WDR81: variants seen among roughly 807,000 people sequenced by gnomAD.
WDR81 encodes the protein WD repeat-containing protein 81.
Under a neutral mutation model 140.8 loss-of-function variants are expected in WDR81, and 92 were observed. The observed-to-expected ratio is 0.65, with a 90% CI of 0.55 to 0.78. The LOEUF (loss-of-function observed/expected upper bound fraction) is 0.78, where lower values mean the gene tolerates loss of function less well. Among genes scored for constraint, WDR81 ranks in the 30% least tolerant of loss-of-function variants. WDR81 has a pLI of 0.00. For synonymous variants in WDR81, 1,183 were observed against 1,156.4 expected, an observed-to-expected ratio of 1.02 and a Z score of -0.47; for missense variants, 2,502 against 2,636.4, an observed-to-expected ratio of 0.95 and a Z score of 1.12.
chr17:1,719,018 C>G lies in WDR81; in HGVS notation c.-124+2385C>G, dbSNP rs538029922. Among the ~76,000 whole-genome samples, 24 of 152,204 alleles carry G rather than the reference C, an allele frequency of 1.6e-4. No individual in the cohort carries two copies. In the South Asian group the frequency reaches 4.8e-3, roughly 30 times the overall value. ...TCCTAGATGTCAGTGGCAACACCCA[C>G]CCACCCCCAGCTCCCAGTTTTGACA... On this transcript the variant is annotated intron_variant, in intron 1 of 10. Transcript: ENST00000309182.
intron 9 of WDR81, among the ~76,000 whole-genome samples, chr17:1,736,475 G>C (rs1307008304): frequency 1.3e-5 from 2 of 152,204 alleles, no homozygotes; most frequent in Non-Finnish European, 2.9e-5. Flanking sequence ...GGGCAGGGCT[G>C]ACCCTGTTGC....
chr17:1,717,848 ACT>A (rs2151153477), intron 1 of WDR81, among the ~76,000 whole-genome samples: 1 of 152,074 alleles, frequency 6.6e-6, no homozygotes, highest in South Asian at 2.1e-4. Context: ...GTAAATTCAG[ACT>A]CTGTGGTCTA....
Position 1,733,781 on chromosome 17 carries a change from C to G in WDR81, c.4744C>G (p.Leu1582Val). The G allele has an allele frequency of 6.2e-7, 1 of 1,612,414 alleles. No homozygotes were observed. Among genetic ancestry groups the G allele is most frequent in the Non-Finnish European group, 8.5e-7 (1 of 1,179,692 alleles). ...CTCTCGGCCTGAGAACCCCGGACCACTGGGCCCCATCTCGGGGGTGGGTGG... is the reference window on the plus strand; with the variant it reads ...CTCTCGGCCTGAGAACCCCGGACCAGTGGGCCCCATCTCGGGGGTGGGTGG... Reference protein sequence around the residue: ...NDSRPENPGPLGPISGVGGGG... With the variant: ...NDSRPENPGPVGPISGVGGGG... Residue 1582 changes from leucine to valine, a missense_variant, in exon 7 of 10, where the codon CTG becomes GTG. Coordinates refer to ENST00000409644, the MANE Select transcript of WDR81 (RefSeq NM_001163809.2).
chr17:1,731,217 C>A lies in WDR81; in HGVS notation c.4116C>A (p.Val1372=), dbSNP rs1476504264. The A allele has an allele frequency of 6.2e-7, 1 of 1,613,574 alleles. No homozygotes were observed. The highest frequency in any genetic ancestry group is 1.7e-5 in the Admixed American group (1 of 60,010). Residue 1372 remains valine, a synonymous_variant, in exon 4 of 10, where the codon GTC becomes GTA. Coordinates refer to ENST00000409644, the MANE Select transcript of WDR81 (RefSeq NM_001163809.2). ...TCCTGCCCCGGATCAGCCATGAGGTCCTGCTGCCCGTGCTCAGCTTCCTCA... is the reference window on the plus strand; with the variant it reads ...TCCTGCCCCGGATCAGCCATGAGGTACTGCTGCCCGTGCTCAGCTTCCTCA... ...MDILPRISHE[V]LLPVLSFLTS... is the part of the protein sequence containing the mutation.
chr17:1,722,851 C>A (rs1405074094), upstream of WDR81, among the ~76,000 whole-genome samples: 1 of 151,940 alleles, frequency 6.6e-6, no homozygotes, highest in Non-Finnish European at 1.5e-5. Flanking sequence ...CGCTGCCACA[C>A]CCGGCTAATT....
At chr17:1,730,047 G>A (rs1453959827) in intron 1 of WDR81, among the ~76,000 whole-genome samples, 3 of 152,024 alleles carry the variant, frequency 2.0e-5, no homozygotes, top group East Asian at 3.9e-4. Context: ...CCGTTATGGC[G>A]AGACCGAGGG....
At chr17:1,734,254 C>A in intron 7 of WDR81, 38 bp downstream of exon 7, 1 of 1,502,088 alleles carries the variant, frequency 6.7e-7, no homozygotes, top group Non-Finnish European at 8.9e-7. Flanking sequence ...TCTTCCTGCT[C>A]CTGCGCCCCA....
At chr17:1,724,573 C>G (rs1216117353), upstream of WDR81, 1 of 990,454 alleles carries the variant, frequency 1.0e-6, no homozygotes, top group East Asian at 1.1e-4. Context: ...GGAAGCGGAG[C>G]CCAGACCGAG....
Position 1,738,189 on chromosome 17 carries a change from G to A in WDR81, c.*504G>A, listed in dbSNP as rs1421245327. 1 of 167,416 alleles carries A rather than the reference G, an allele frequency of 6.0e-6. No homozygotes were observed. Among genetic ancestry groups the A allele is most frequent in the African/African-American group, 2.4e-5 (1 of 41,754 alleles). The allele number at this position is 167,416 out of a possible 1,614,324, so 10.4% of individuals were successfully genotyped here. A position where few individuals can be genotyped will look rare whatever the true frequency, so the allele number is the denominator to read the frequency against. On this transcript the variant is annotated 3_prime_UTR_variant, in exon 10 of 10. Coordinates refer to ENST00000409644, the MANE Select transcript of WDR81 (RefSeq NM_001163809.2). ...CCGTGGTCCAGGAGTTAAGGGCTTG[G>A]GTCTGGGGTTTAAGTGGCCACCCAT...
chr17:1,728,032 C>A lies in WDR81; in HGVS notation c.3073C>A (p.Leu1025Met). The A allele has an allele frequency of 6.4e-7, 1 of 1,554,514 alleles. No homozygotes were observed. Among genetic ancestry groups the A allele is most frequent in the Non-Finnish European group, 8.7e-7 (1 of 1,149,872 alleles). The change falls in exon 1 of 10, where the codon CTG (leucine) becomes ATG (methionine). Residue 1025 changes from leucine to methionine, a missense_variant. By Grantham distance (15) the Leu-to-Met change is conservative. This residue lies in a region of WDR81 where 1,737 missense variants were observed against 1,843.0 expected (regional missense o/e 0.94). Transcript: ENST00000409644. ...GGCCTCCCAGGAGGAGAGCAAGGAC[C>A]TGGCAGGGGCTGCTGAGGAGGAGGA... ...AEASQEESKD[L>M]AGAAEEEESG...
Position 1,730,420 on chromosome 17 carries a change from C to G in WDR81, c.3708C>G (p.Leu1236=). The G allele has an allele frequency of 6.2e-7, 1 of 1,613,192 alleles. No individual in the cohort carries two copies. Among genetic ancestry groups the G allele is most frequent in the Middle Eastern group, 1.7e-4 (1 of 6,056 alleles). Residue 1236 remains leucine (L), a synonymous_variant, in exon 2 of 10, where the codon CTC becomes CTG. Coordinates refer to ENST00000409644, the MANE Select transcript of WDR81 (RefSeq NM_001163809.2). ...TGGTCCGCTGGCTGTCTGCCAAGCTCGGCCCCACAGTGGCCTCTCGCCACG... is the reference window on the plus strand; with the variant it reads ...TGGTCCGCTGGCTGTCTGCCAAGCTGGGCCCCACAGTGGCCTCTCGCCACG... The part of the protein sequence containing the change: ...CKMVRWLSAK[L]GPTVASRHVA...
At chr17:1,721,544 G>A (rs1486813486), upstream of WDR81, among the ~76,000 whole-genome samples, 8 of 151,840 alleles carry the variant, frequency 5.3e-5, no homozygotes, top group African/African-American at 1.5e-4. Context: ...AAAATCACTC[G>A]GGCACCATGG....
In WDR81 at chr17:1,737,348, C is replaced by G. The variant is rs761595187; in HGVS notation, c.5506-17C>G. Reference sequence around the variant, plus strand: ...AAGGACCCAGGCTCCTGCTGAGGCTCTCCTCTCCCGGGACAGGCGGTGGAG... The same window carrying G: ...AAGGACCCAGGCTCCTGCTGAGGCTGTCCTCTCCCGGGACAGGCGGTGGAG... On this transcript the variant is annotated splice_polypyrimidine_tract_variant and intron_variant, in intron 9 of 9. Coordinates refer to ENST00000409644, the MANE Select transcript of WDR81 (RefSeq NM_001163809.2). The G allele has an allele frequency of 6.3e-7, 1 of 1,586,748 alleles. No individual in the cohort carries two copies. Among genetic ancestry groups the G allele is most frequent in the Non-Finnish European group, 8.6e-7 (1 of 1,165,950 alleles).
upstream of WDR81, among the ~76,000 whole-genome samples, chr17:1,720,592 C>T (rs886361821): frequency 5.3e-5 from 8 of 152,010 alleles, no homozygotes; most frequent in Non-Finnish European, 1.0e-4. Context: ...GCCTGGCCAA[C>T]ATGGTGAAAC....
chr17:1,722,351 T>C (rs1914914003), upstream of WDR81, among the ~76,000 whole-genome samples: 1 of 149,966 alleles, frequency 6.7e-6, no homozygotes. Context: ...CTCTCTCTTT[T>C]TTTTTTTTTT....
chr17:1,733,621 T>A lies in WDR81; in HGVS notation c.4584T>A (p.Pro1528=), dbSNP rs1904566232. 1 of 1,593,356 alleles carries A rather than the reference T, an allele frequency of 6.3e-7. No homozygotes were observed. The highest frequency in any genetic ancestry group is 1.7e-5 in the Admixed American group (1 of 57,710). ...LESISPSSRN[P]ASVEPTMPGT... ...GCATCAGCCCCAGCAGTCGCAACCC[T>A]GCCAGCGTGGAGCCCACCATGCCCG... Residue 1528 remains proline (P), a synonymous_variant, in exon 7 of 10, where the codon CCT becomes CCA. Transcript: ENST00000409644.
At chr17:1,732,980 A>G in intron 6 of WDR81, 149 bp downstream of exon 6, 1 of 980,428 alleles carries the variant, frequency 1.0e-6, no homozygotes, top group Admixed American at 3.1e-5. Flanking sequence ...TCAGACCCCT[A>G]CCCCCAAGGT....
chr17:1,724,940 C>T lies in WDR81; in HGVS notation c.-20C>T, dbSNP rs2151160253. On this transcript the variant is annotated 5_prime_UTR_variant, in exon 1 of 10. Coordinates refer to ENST00000409644, the MANE Select transcript of WDR81 (RefSeq NM_001163809.2). ...GTGGCTGGGCTCAGCCCCGCGCTGC[C>T]CCCGGGCGGCCTGGAGGAGATGGCC... The T allele has an allele frequency of 7.2e-7, 1 of 1,391,134 alleles. No individual in the cohort carries two copies. The highest frequency in any genetic ancestry group is 9.3e-7 in the Non-Finnish European group (1 of 1,077,816). 86.2% of individuals were successfully genotyped at this position (1,391,134 alleles called of 1,614,324 possible).
intron 1 of WDR81, chr17:1,716,715 GT>G: frequency 6.9e-7 from 1 of 1,454,010 alleles, no homozygotes; most frequent in Non-Finnish European, 9.4e-7. Context: ...TGTTGGAGTC[GT>G]GAGTGCTTCT....
Sources: gnomAD v4.1 joint callset for allele counts (sites outside exome capture counted in the v4.1 genomes callset) on GRCh38, gnomAD v4.1.1 for gene constraint, gnomAD v4.1.1 regional missense constraint, MANE v1.5 for transcripts, NCBI Gene and HGNC (gene_info 2026-07-23, HGNC 2026-07-21) for gene names.